BMP5: variants seen among roughly 807,000 people sequenced by gnomAD.
The protein encoded by BMP5 is bone morphogenetic protein 5.
A neutral mutation model predicts 46.6 loss-of-function variants in BMP5; 23 were observed. That is an observed-to-expected ratio of 0.49 (90% CI 0.35 to 0.70). The LOEUF is 0.70. BMP5 is among the 30% of genes least tolerant of loss of function. The pLI is 0.00. For missense variants in BMP5, 545 were observed against 565.6 expected (o/e 0.96, Z 0.37); for synonymous variants, 204 against 191.9 (o/e 1.06, Z -0.52).
chr6:55,851,211 T>C (rs775431328), intron 1 of BMP5, among the ~76,000 whole-genome samples: 1 of 152,032 alleles, frequency 6.6e-6, no homozygotes, highest in Non-Finnish European at 1.5e-5. Flanking sequence ...TTAATTTTCT[T>C]CTCCCCATTC....
intron 2 of BMP5, among the ~76,000 whole-genome samples, chr6:55,795,037 T>G (rs1028589984): frequency 9.2e-5 from 14 of 152,116 alleles, no homozygotes; most frequent in African/African-American, 3.4e-4. Flanking sequence ...CAAGCTTAAG[T>G]CCCCTTGGGA....
intron 2 of BMP5, among the ~76,000 whole-genome samples, chr6:55,795,229 A>C (rs1775678887): frequency 6.6e-6 from 1 of 152,106 alleles, no homozygotes. Flanking sequence ...GCAGTTTCTG[A>C]GCTAAAATTA....
chr6:55,838,814 G>T (rs1776885199), intron 1 of BMP5, among the ~76,000 whole-genome samples: 1 of 152,080 alleles, frequency 6.6e-6, no homozygotes, highest in Admixed American at 6.6e-5. Context: ...TGCTTATCTA[G>T]AACAATTATA....
chr6:55,838,979 G>A (rs192532077), intron 1 of BMP5, among the ~76,000 whole-genome samples: 21 of 152,146 alleles, frequency 1.4e-4, no homozygotes, highest in East Asian at 9.7e-4. Flanking sequence ...TTGAATAGAC[G>A]AATACACTTA....
At chr6:55,820,531 C>T (rs767853810) in intron 1 of BMP5, among the ~76,000 whole-genome samples, 6 of 152,080 alleles carry the variant, frequency 3.9e-5, no homozygotes, top group Non-Finnish European at 7.4e-5. Context: ...GATCCTCCCA[C>T]CTCAACCTCT....
intron 2 of BMP5, among the ~76,000 whole-genome samples, chr6:55,817,128 A>C (rs1373629214): frequency 6.6e-6 from 1 of 152,200 alleles, no homozygotes; most frequent in Non-Finnish European, 1.5e-5. Context: ...GTGGAGAAAT[A>C]GGAACACTTT....
At chr6:55,784,832 A>G (rs1775408608) in intron 3 of BMP5, among the ~76,000 whole-genome samples, 1 of 151,916 alleles carries the variant, frequency 6.6e-6, no homozygotes, top group African/African-American at 2.4e-5. Flanking sequence ...TTATAACAAT[A>G]CAATTATTTT....
chr6:55,847,621 C>T (rs576355410), intron 1 of BMP5, among the ~76,000 whole-genome samples: 1 of 151,822 alleles, frequency 6.6e-6, no homozygotes, highest in South Asian at 2.1e-4. Flanking sequence ...GGAAAAAAAT[C>T]AATGTATATA....
rs189421969 is a variant in BMP5 at position 55,853,215 on chromosome 6, A to G, written c.490+21161T>C. Among the ~76,000 whole-genome samples the G allele has an allele frequency of 7.7e-3, 798 of 103,858 alleles. 12 individuals carry two copies. The highest frequency in any genetic ancestry group is 0.025 in the African/African-American group (742 of 29,918). The allele number at this position is 103,858 out of a possible 152,430, so 68.1% of individuals were successfully genotyped here. On this transcript the variant is annotated intron_variant, in intron 1 of 6. Coordinates refer to ENST00000370830, the MANE Select transcript of BMP5 (RefSeq NM_021073.4). The stretch of plus-strand genomic sequence containing the variant: ...AATAAAATAAAATAAAATAAAATAA[A>G]ATAAGATAAAATACAATAAAATAAA...
intron 3 of BMP5, among the ~76,000 whole-genome samples, chr6:55,793,664 C>A (rs1372508606): frequency 6.6e-6 from 1 of 152,134 alleles, no homozygotes; most frequent in Non-Finnish European, 1.5e-5. Context: ...TTCCCACAGA[C>A]CCTTCCACAA....
intron 2 of BMP5, among the ~76,000 whole-genome samples, chr6:55,798,747 C>A (rs1330483681): frequency 6.6e-6 from 1 of 152,148 alleles, no homozygotes; most frequent in Non-Finnish European, 1.5e-5. Flanking sequence ...TACATTTGAG[C>A]AGGTCTGACT....
intron 3 of BMP5, among the ~76,000 whole-genome samples, chr6:55,790,658 T>G (rs1380602909): frequency 6.6e-6 from 1 of 152,182 alleles, no homozygotes; most frequent in East Asian, 1.9e-4. Context: ...TTTGACATAG[T>G]GTGCATTTAC....
intron 3 of BMP5, among the ~76,000 whole-genome samples, chr6:55,782,860 A>G (rs1160282894): frequency 6.6e-6 from 1 of 152,136 alleles, no homozygotes; most frequent in Non-Finnish European, 1.5e-5. Flanking sequence ...AGCAACTGTT[A>G]TCCTCTTAAA....
Position 55,812,880 on chromosome 6 carries a change from GTAAA to G in BMP5, c.683+6771_683+6774del, listed in dbSNP as rs1440348138. On this transcript the variant is annotated intron_variant, in intron 2 of 6. Coordinates refer to ENST00000370830, the MANE Select transcript of BMP5 (RefSeq NM_021073.4). ...CATTTTAACTGTGATCATGTGATAT[GTAAA>G]TAAAGTATTTTTAATGCAATACTTG... 3.3e-5 allele frequency among the ~76,000 whole-genome samples: 5 copies of G among 152,132 alleles called. No homozygotes were observed. In the East Asian group the frequency reaches 9.6e-4, roughly 29 times the overall value.
intron 3 of BMP5, among the ~76,000 whole-genome samples, chr6:55,780,062 T>C (rs900121372): frequency 6.6e-6 from 1 of 151,902 alleles, no homozygotes; most frequent in Non-Finnish European, 1.5e-5. Context: ...CTCTTCTTTT[T>C]ACTGACATTT....
At chr6:55,874,092 T>A (rs1777845339) in intron 1 of BMP5, among the ~76,000 whole-genome samples, 1 of 152,076 alleles carries the variant, frequency 6.6e-6, no homozygotes, top group South Asian at 2.1e-4. Context: ...TTTCCCTGTT[T>A]TTAGACTATT....
chr6:55,813,437 G>A (rs981493071), intron 2 of BMP5, among the ~76,000 whole-genome samples: 2 of 151,786 alleles, frequency 1.3e-5, no homozygotes, highest in Non-Finnish European at 2.9e-5. Context: ...AATGTTTCTT[G>A]GTTTGGGTCA....
At chr6:55,831,808 G>A (rs768712017) in intron 1 of BMP5, among the ~76,000 whole-genome samples, 7 of 152,094 alleles carry the variant, frequency 4.6e-5, no homozygotes, top group African/African-American at 7.2e-5. Context: ...GACACACATC[G>A]TTGTGAACAT....
At chr6:55,768,701 C>A (rs1056731562) in intron 4 of BMP5, among the ~76,000 whole-genome samples, 1 of 151,968 alleles carries the variant, frequency 6.6e-6, no homozygotes. Flanking sequence ...CAGTATCCAG[C>A]ATACAATAGC....
Sources: allele counts gnomAD v4.1 joint callset (sites outside exome capture counted in the v4.1 genomes callset), GRCh38; gene constraint gnomAD v4.1.1; transcripts MANE v1.5; gene names NCBI Gene and HGNC (gene_info 2026-07-23, HGNC 2026-07-21).